Variants in SPHK1 observed in about 807,000 individuals in gnomAD.
SPHK1 encodes the protein SK 1.
In SPHK1, 10 loss-of-function variants were observed where a neutral mutation model predicts 14.6. The observed-to-expected ratio is 0.68, with a 90% CI of 0.42 to 1.16. The LOEUF is 1.16. SPHK1 is among the 50% of genes most tolerant of loss of function. The probability of loss-of-function intolerance (pLI) is 0.00; values close to 1 mark genes in which losing one functional copy is unlikely to be tolerated. For synonymous variants in SPHK1, 274 were observed against 224.0 expected, an observed-to-expected ratio of 1.22 and a Z score of -1.99; for missense variants, 553 against 525.4, an observed-to-expected ratio of 1.05 and a Z score of -0.51.
chr17:76,386,356 G>C lies in SPHK1; in HGVS notation c.259-37G>C. 1.2e-6 allele frequency: 2 copies of C among 1,605,356 alleles called. No individual in the cohort carries two copies. The highest frequency in any genetic ancestry group is 1.7e-6 in the Non-Finnish European group (2 of 1,175,612). On this transcript the variant is annotated intron_variant, in intron 4 of 5. Coordinates refer to ENST00000592299, the MANE Select transcript of SPHK1 (RefSeq NM_001142601.2). The surrounding 1 kb of genome is among the most constrained non-coding windows in gnomAD (Gnocchi z 5.3). The stretch of plus-strand genomic sequence containing the variant: ...CGCGGCTAGGCCTGGGGCTTGGCGC[G>C]GTGCGTCCCAGGCTGAGGCCACGTG...
Position 76,387,154 on chromosome 17 carries a change from G to A in SPHK1, c.723G>A (p.Leu241=), listed in dbSNP as rs769103241. ...CGGTAGATGCACACCTTGTGCCACTGGAGGAGCCAGTGCCCTCTCACTGGA... is the reference window on the plus strand; with the variant it reads ...CGGTAGATGCACACCTTGTGCCACTAGAGGAGCCAGTGCCCTCTCACTGGA... ...QGPVDAHLVP[L]EEPVPSHWTV... Residue 241 remains leucine, a synonymous_variant, in exon 6 of 6, where the codon CTG becomes CTA. Transcript: ENST00000592299. This position sits in a 1 kb window ranked among gnomAD's most constrained non-coding sequence, Gnocchi z 4.1. 22 of 1,613,098 alleles carry A rather than the reference G, an allele frequency of 1.4e-5. No individual in the cohort carries two copies. The highest frequency in any genetic ancestry group is 6.7e-5 in the Admixed American group (4 of 59,976).
In SPHK1 at chr17:76,384,644, T is replaced by C. The variant is rs2071928309; in HGVS notation, c.-357T>C. The C allele has an allele frequency of 6.6e-6, 1 of 152,598 alleles. No individual in the cohort carries two copies. The highest frequency in any genetic ancestry group is 2.4e-5 in the African/African-American group (1 of 41,432). 9.5% of individuals were successfully genotyped at this position (152,598 alleles called of 1,614,324 possible). ...CCGCTCCGCGGCGCCGGCTGCGAAG[T>C]TGAGCGAAAAGTTTGAGGCCGGAGG... On this transcript the variant is annotated 5_prime_UTR_variant, in exon 1 of 6. Transcript: ENST00000592299.
chr17:76,384,227 G>C (rs2071918791), upstream of SPHK1: 1 of 152,954 alleles, frequency 6.5e-6, no homozygotes, highest in African/African-American at 2.4e-5. Context: ...CCCCGGGAGA[G>C]CGGAGCCGCG....
Position 76,385,515 on chromosome 17 carries a change from G to C in SPHK1, c.-130G>C, listed in dbSNP as rs2071954086. On this transcript the variant is annotated 5_prime_UTR_variant, in exon 2 of 6. Transcript: ENST00000592299. This position sits in a 1 kb window ranked among gnomAD's most constrained non-coding sequence, Gnocchi z 5.3. ...CCACGGCTCCGGGCGGGGAAGGCGA[G>C]CCCCACAGCCGGCCCTGCGACGCCC... 2.6e-6 allele frequency: 4 copies of C among 1,547,692 alleles called. No individual in the cohort carries two copies. The highest frequency in any genetic ancestry group is 2.6e-6 in the Non-Finnish European group (3 of 1,154,154).
rs768589373 is a variant in SPHK1, at chr17:76,387,034, A to T, written c.603A>T (p.Ala201=). 41 of 1,613,624 alleles carry T rather than the reference A, an allele frequency of 2.5e-5. No individual in the cohort carries two copies. Among genetic ancestry groups the T allele is most frequent in the Non-Finnish European group, 3.5e-5 (41 of 1,180,028 alleles). ...RFTLGTFLRL[A]ALRTYRGRLA... ...CTCTGGGCACCTTCCTGCGTCTGGC[A>T]GCCCTGCGCACCTACCGCGGCCGAC... Residue 201 remains alanine (A), a synonymous_variant, in exon 6 of 6, where the codon GCA becomes GCT. Transcript: ENST00000592299. The surrounding 1 kb of genome is among the most constrained non-coding windows in gnomAD (Gnocchi z 4.1).
rs896122731 is a variant in SPHK1 at position 76,385,417 on chromosome 17, C to G, written c.-194-34C>G. On this transcript the variant is annotated intron_variant, in intron 1 of 5. Transcript: ENST00000592299. This position sits in a 1 kb window ranked among gnomAD's most constrained non-coding sequence, Gnocchi z 5.3. The stretch of plus-strand genomic sequence containing the variant: ...CTCCCCACCTCTGGCAGCTGCGGCC[C>G]CGGACTCCGCCAGCGCTGTCTTCTC... 2 of 1,488,394 alleles carry G rather than the reference C, an allele frequency of 1.3e-6. No individual in the cohort carries two copies. Among genetic ancestry groups the G allele is most frequent in the African/African-American group, 2.8e-5 (2 of 71,078 alleles). The allele number at this position is 1,488,394 out of a possible 1,614,324, so 92.2% of individuals were successfully genotyped here. A position where few individuals can be genotyped will look rare whatever the true frequency, so the allele number is the denominator to read the frequency against.
rs368503573 is a variant in SPHK1 at position 76,386,445 on chromosome 17, C to T, written c.311C>T (p.Pro104Leu). ...RPDWETAIQK[P>L]LCSLPAGSGN... is the part of the protein sequence containing the mutation. ...GACTGGGAGACCGCCATCCAGAAGC[C>T]CCTGTGTAGCCTCCCAGCAGGCTCT... is the stretch of plus-strand genomic sequence containing the variant. Residue 104 changes from proline (P) to leucine (L), a missense_variant, in exon 5 of 6, where the codon CCC becomes CTC. Physicochemically the swap from Pro to Leu is moderately conservative, Grantham distance 98. Coordinates refer to ENST00000592299, the MANE Select transcript of SPHK1 (RefSeq NM_001142601.2). The surrounding 1 kb of genome is among the most constrained non-coding windows in gnomAD (Gnocchi z 5.3). The T allele has an allele frequency of 1.5e-5, 25 of 1,612,986 alleles. No individual in the cohort carries two copies. The South Asian group carries it at 2.6e-4, about 17-fold the overall frequency.
In SPHK1 at chr17:76,386,115, C is replaced by T. The variant is rs1437897443; in HGVS notation, c.141C>T (p.Ile47=). ...AGCCCCTTTTGGCTGAGGCTGAAAT[C>T]TCCTTCACGCTGATGCTCACTGGTG... is the stretch of plus-strand genomic sequence containing the variant. ...HVQPLLAEAE[I]SFTLMLTERR... is the part of the protein sequence containing the mutation. Residue 47 remains isoleucine (I), a synonymous_variant, in exon 3 of 6, where the codon ATC becomes ATT. Transcript: ENST00000592299. This position sits in a 1 kb window ranked among gnomAD's most constrained non-coding sequence, Gnocchi z 5.3. 2 of 1,596,748 alleles carry T rather than the reference C, an allele frequency of 1.3e-6. No individual in the cohort carries two copies. The highest frequency in any genetic ancestry group is 8.5e-7 in the Non-Finnish European group (1 of 1,170,428).
rs1273395616 is a variant in SPHK1 at position 76,386,678 on chromosome 17, T to C, written c.375-128T>C. On this transcript the variant is annotated intron_variant, in intron 5 of 5. Coordinates refer to ENST00000592299, the MANE Select transcript of SPHK1 (RefSeq NM_001142601.2). The surrounding 1 kb of genome is among the most constrained non-coding windows in gnomAD (Gnocchi z 5.3). ...TGACTGCTTCCATTTGCTCCATCTG[T>C]CACCTACCAGTCCTGCCAACTCCCC... is the stretch of plus-strand genomic sequence containing the variant. 33 of 1,233,186 alleles carry C rather than the reference T, an allele frequency of 2.7e-5. No individual in the cohort carries two copies. In the East Asian group the frequency reaches 3.3e-4, roughly 12 times the overall value. The allele number at this position is 1,233,186 out of a possible 1,614,324, so 76.4% of individuals were successfully genotyped here. A position where few individuals can be genotyped will look rare whatever the true frequency, so the allele number is the denominator to read the frequency against.
Position 76,386,744 on chromosome 17 carries a change from G to A in SPHK1, c.375-62G>A, listed in dbSNP as rs942088154. On this transcript the variant is annotated intron_variant, in intron 5 of 5. Coordinates refer to ENST00000592299, the MANE Select transcript of SPHK1 (RefSeq NM_001142601.2). This position sits in a 1 kb window ranked among gnomAD's most constrained non-coding sequence, Gnocchi z 5.3. ...CTTTGCCAGCTCCCACTCCCCGGGA[G>A]GAGGAAGCGGGGGATACATGGGGGC... 11 of 1,492,418 alleles carry A rather than the reference G, an allele frequency of 7.4e-6. No homozygotes were observed. The highest frequency in any genetic ancestry group is 1.4e-5 in the African/African-American group (1 of 71,382). 92.4% of individuals were successfully genotyped at this position (1,492,418 alleles called of 1,614,324 possible).
Position 76,387,441 on chromosome 17 carries a change from T to C in SPHK1, c.1010T>C (p.Val337Ala), listed in dbSNP as rs542450738. The C allele has an allele frequency of 6.2e-7, 1 of 1,613,564 alleles. No homozygotes were observed. Among genetic ancestry groups the C allele is most frequent in the South Asian group, 1.1e-5 (1 of 91,070 alleles). The change falls in exon 6 of 6, where the codon GTG becomes GCG. Residue 337 changes from valine (V) to alanine (A), a missense_variant. Transcript: ENST00000592299. This position sits in a 1 kb window ranked among gnomAD's most constrained non-coding sequence, Gnocchi z 4.1. ...FRLEPKDGKG[V>A]FAVDGELMVS... ...TTGGAGCCCAAGGATGGGAAAGGTGTGTTTGCAGTGGATGGGGAATTGATG... is the reference window on the plus strand; with the variant it reads ...TTGGAGCCCAAGGATGGGAAAGGTGCGTTTGCAGTGGATGGGGAATTGATG...
chr17:76,383,977 G>C (rs1420857904), upstream of SPHK1: 1 of 811,870 alleles, frequency 1.2e-6, no homozygotes, highest in African/African-American at 1.9e-5. Flanking sequence ...CCTCAGGCTC[G>C]GTAGCCCAGC....
rs1350058909 is a variant in SPHK1, at chr17:76,386,489, TC to T, written c.357del (p.Leu120Ter). The T allele has an allele frequency of 6.2e-7, 1 of 1,612,568 alleles. No individual in the cohort carries two copies. Among genetic ancestry groups the T allele is most frequent in the South Asian group, 1.1e-5 (1 of 91,070 alleles). On this transcript the variant is annotated frameshift_variant, in exon 5 of 6. Transcript: ENST00000592299. LOFTEE classifies it low-confidence loss of function (END_TRUNC). This position sits in a 1 kb window ranked among gnomAD's most constrained non-coding sequence, Gnocchi z 5.3. ...PAGSGNALAA[S>X]LNHYAGYEQV... is the part of the protein sequence containing the mutation. Reference sequence around the variant, plus strand: ...AGGCTCTGGCAACGCGCTGGCAGCTTCCTTGAACCATTATGCTGGGTGAGAG... The same window carrying T: ...AGGCTCTGGCAACGCGCTGGCAGCTTCTTGAACCATTATGCTGGGTGAGAG...
In SPHK1 at chr17:76,386,764, G is replaced by A. The variant is rs757484013; in HGVS notation, c.375-42G>A. On this transcript the variant is annotated intron_variant, in intron 5 of 5. Coordinates refer to ENST00000592299, the MANE Select transcript of SPHK1 (RefSeq NM_001142601.2). This position sits in a 1 kb window ranked among gnomAD's most constrained non-coding sequence, Gnocchi z 5.3. ...CGGGAGGAGGAAGCGGGGGATACAT[G>A]GGGGCTCCTGTCCTGCCTTATCTGA... The A allele has an allele frequency of 2.0e-6, 3 of 1,514,724 alleles. No homozygotes were observed. The highest frequency in any genetic ancestry group is 2.6e-6 in the Non-Finnish European group (3 of 1,132,924). The allele number at this position is 1,514,724 out of a possible 1,614,324, so 93.8% of individuals were successfully genotyped here. A position where few individuals can be genotyped will look rare whatever the true frequency, so the allele number is the denominator to read the frequency against.
chr17:76,386,892 C>G lies in SPHK1; in HGVS notation c.461C>G (p.Ser154Cys). 6.2e-7 allele frequency: 1 copy of G among 1,611,264 alleles called. No individual in the cohort carries two copies. The highest frequency in any genetic ancestry group is 8.5e-7 in the Non-Finnish European group (1 of 1,178,404). The stretch of plus-strand genomic sequence containing the variant: ...CTGCTGTCACCCATGAACCTGCTGT[C>G]TCTGCACACGGCTTCGGGGCTGCGC... The part of the protein sequence containing the change: ...RRLLSPMNLL[S>C]LHTASGLRLF... The change falls in exon 6 of 6, where the codon TCT becomes TGT. Residue 154 changes from serine (S) to cysteine (C), a missense_variant. Physicochemically the swap from Ser to Cys is moderately radical, Grantham distance 112. Coordinates refer to ENST00000592299, the MANE Select transcript of SPHK1 (RefSeq NM_001142601.2). This position sits in a 1 kb window ranked among gnomAD's most constrained non-coding sequence, Gnocchi z 5.3.
rs56341546 is a variant in SPHK1 at position 76,387,567 on chromosome 17, C to T, written c.1136C>T (p.Pro379Leu). The change falls in exon 6 of 6, where the codon CCG (proline) becomes CTG (leucine). Residue 379 changes from proline to leucine, a missense_variant. Pro to Leu is a moderately conservative substitution (Grantham distance 98, BLOSUM62 -3). Coordinates refer to ENST00000592299, the MANE Select transcript of SPHK1 (RefSeq NM_001142601.2). This position sits in a 1 kb window ranked among gnomAD's most constrained non-coding sequence, Gnocchi z 4.1. ...PPSWKPQQMP[P>L]PEEPL is the part of the protein sequence containing the mutation. ...AGCTGGAAGCCCCAGCAGATGCCAC[C>T]GCCAGAAGAGCCCTTATGACCCCTG... is the stretch of plus-strand genomic sequence containing the variant. 11,536 of 1,597,492 alleles carry T rather than the reference C, an allele frequency of 7.2e-3. 66 individuals are homozygous for T. The highest frequency in any genetic ancestry group is 0.014 in the South Asian group (1,290 of 89,506).
chr17:76,383,948 G>C (rs1185679973), upstream of SPHK1: 2 of 1,079,504 alleles, frequency 1.9e-6, no homozygotes, highest in Non-Finnish European at 2.3e-6. Flanking sequence ...TGCTCTACCC[G>C]GGACAGCGCG....
chr17:76,385,086 C>T lies in SPHK1; in HGVS notation c.-195+280C>T. 2 of 1,552,946 alleles carry T rather than the reference C, an allele frequency of 1.3e-6. No individual in the cohort carries two copies. The highest frequency in any genetic ancestry group is 8.7e-7 in the Non-Finnish European group (1 of 1,148,348). On this transcript the variant is annotated intron_variant, in intron 1 of 5. Coordinates refer to ENST00000592299, the MANE Select transcript of SPHK1 (RefSeq NM_001142601.2). This position sits in a 1 kb window ranked among gnomAD's most constrained non-coding sequence, Gnocchi z 5.3. ...GGATGGCTGGGGCAGGGATCCTCTC[C>T]CAGAACTTCGTGCCCAGCAATGTCC... is the stretch of plus-strand genomic sequence containing the variant.
upstream of SPHK1, chr17:76,383,375 C>T (rs1403541071): frequency 2.6e-5 from 4 of 156,152 alleles, no homozygotes; most frequent in African/African-American, 9.6e-5. Context: ...GCCCGTCTGA[C>T]CCCCCAAGTG....
Sources: gnomAD v4.1 joint callset for allele counts on GRCh38, gnomAD v4.1.1 for gene constraint, Gnocchi (gnomAD v3.1) non-coding constraint, MANE v1.5 for transcripts, NCBI Gene and HGNC (gene_info 2026-07-23, HGNC 2026-07-21) for gene names.